FMNL2: variants seen among roughly 807,000 people sequenced by gnomAD.
The protein encoded by FMNL2 is formin-like protein 2.
FMNL2 carries 51 observed loss-of-function variants against 130.2 expected under a neutral mutation model. The ratio of observed to expected loss-of-function variants is 0.39; its 90% confidence interval spans 0.31 to 0.49. The LOEUF is 0.49. Among genes scored for constraint, FMNL2 ranks in the 20% least tolerant of loss-of-function variants. The pLI, the probability that FMNL2 is intolerant of heterozygous loss-of-function variation, is 0.85. For missense variants in FMNL2, 977 were observed against 1,316.2 expected (o/e 0.74, Z 3.99); for synonymous variants, 465 against 467.1 (o/e 1.00, Z 0.06).
At chr2:152,643,511 A>T in intron 25 of FMNL2, 1 of 1,536,094 alleles carries the variant, frequency 6.5e-7, no homozygotes. Context: ...CCATTACTAA[A>T]CTATTACTCT....
chr2:152,407,433 G>C (rs1330735486), intron 1 of FMNL2, among the ~76,000 whole-genome samples: 1 of 152,038 alleles, frequency 6.6e-6, no homozygotes, highest in Non-Finnish European at 1.5e-5. Context: ...ACTCCTGACA[G>C]CGCCTCCCTT....
At chr2:152,335,817 G>A in intron 1 of FMNL2, 97 bp downstream of exon 1, 1 of 850,908 alleles carries the variant, frequency 1.2e-6, no homozygotes, top group Non-Finnish European at 1.7e-6. Context: ...TGCCGGGAGC[G>A]AGCCTCCATT....
intron 21 of FMNL2, among the ~76,000 whole-genome samples, chr2:152,633,173 G>T (rs1682298392): frequency 6.6e-6 from 1 of 150,864 alleles, no homozygotes; most frequent in Non-Finnish European, 1.5e-5. Context: ...ACAGCTCACT[G>T]CAGTCCTGAC....
intron 1 of FMNL2, among the ~76,000 whole-genome samples, chr2:152,461,821 A>T (rs774688435): frequency 6.6e-6 from 1 of 152,050 alleles, no homozygotes; most frequent in East Asian, 1.9e-4. Context: ...GTCTAATAGA[A>T]CTTTCTGTGA....
intron 1 of FMNL2, among the ~76,000 whole-genome samples, chr2:152,375,877 C>CTCTCTCTATATATATATATATATA (rs796954245): frequency 4.3e-4 from 48 of 112,458 alleles, no homozygotes; most frequent in East Asian, 1.6e-3. Context: ...CTCTCTCTCT[C>CTCTCTCTATATATATATATATATA]TATATATATA....
chr2:152,513,945 A>G (rs996801704), intron 1 of FMNL2, among the ~76,000 whole-genome samples: 8 of 152,198 alleles, frequency 5.3e-5, no homozygotes, highest in African/African-American at 7.2e-5. Flanking sequence ...AATAGATTTT[A>G]GCAGCATCCT....
At chr2:152,391,293 A>G (rs1041500239) in intron 1 of FMNL2, among the ~76,000 whole-genome samples, 4 of 152,214 alleles carry the variant, frequency 2.6e-5, no homozygotes, top group Non-Finnish European at 5.9e-5. Context: ...GGCAACTGGT[A>G]ATGACCTTCT....
chr2:152,425,343 A>C (rs1038633385), intron 1 of FMNL2, among the ~76,000 whole-genome samples: 2 of 152,228 alleles, frequency 1.3e-5, no homozygotes, highest in Non-Finnish European at 2.9e-5. Context: ...AAGTGGTCTT[A>C]TAATTTCCCT....
chr2:152,390,385 A>G (rs763331630), intron 1 of FMNL2: 18 of 1,075,806 alleles, frequency 1.7e-5, no homozygotes, highest in Non-Finnish European at 2.3e-5. Context: ...GAGAAGATCA[A>G]TAAGATGGAG....
chr2:152,639,914 C>A, intron 23 of FMNL2, 44 bp from the exon 24 acceptor site: 1 of 1,503,076 alleles, frequency 6.7e-7, no homozygotes, highest in South Asian at 1.3e-5. Context: ...TGGCTGCTCT[C>A]ATTTCCATTA....
At position 152,625,422 on chromosome 2, in the gene FMNL2, T is replaced by C; in HGVS notation, c.1838-16T>C. The C allele has an allele frequency of 2.5e-6, 4 of 1,599,616 alleles. No homozygotes were observed. The highest frequency in any genetic ancestry group is 2.6e-6 in the Non-Finnish European group (3 of 1,168,188). ...TTTTGGTGGGATCTTAATTCCATTC[T>C]CTTTGATGTCTTTAGCTGTGAAAAT... On this transcript the variant is annotated splice_polypyrimidine_tract_variant and intron_variant, in intron 15 of 25. Transcript: ENST00000288670.
chr2:152,647,016 G>C (rs946458994), intron 25 of FMNL2, among the ~76,000 whole-genome samples: 3 of 152,138 alleles, frequency 2.0e-5, no homozygotes, highest in African/African-American at 7.2e-5. Context: ...CATTTAACAA[G>C]GATTTTCTTA....
intron 3 of FMNL2, among the ~76,000 whole-genome samples, chr2:152,547,204 A>T (rs1477308375): frequency 6.6e-6 from 1 of 152,080 alleles, no homozygotes; most frequent in Non-Finnish European, 1.5e-5. Flanking sequence ...TGGCCTCTCA[A>T]AGTGCTGGGA....
chr2:152,610,417 C>T (rs1300868844), intron 10 of FMNL2, among the ~76,000 whole-genome samples: 3 of 151,982 alleles, frequency 2.0e-5, no homozygotes, highest in Non-Finnish European at 4.4e-5. Flanking sequence ...ACAGCGTCAC[C>T]CCCCCAGAAA....
intron 1 of FMNL2, among the ~76,000 whole-genome samples, chr2:152,413,763 CCAATAAAGTGATT>C (rs1202946082): frequency 6.6e-6 from 1 of 152,154 alleles, no homozygotes; most frequent in African/African-American, 2.4e-5. Flanking sequence ...ATGGCCTTCT[CCAATAAAGTGATT>C]TGCTTTCCTA....
chr2:152,428,435 G>A (rs1202884934), intron 1 of FMNL2, among the ~76,000 whole-genome samples: 1 of 152,118 alleles, frequency 6.6e-6, no homozygotes, highest in African/African-American at 2.4e-5. Flanking sequence ...TAGAAATATG[G>A]GTTATTGCTC....
chr2:152,472,383 T>A (rs1170484917), intron 1 of FMNL2, among the ~76,000 whole-genome samples: 2 of 152,208 alleles, frequency 1.3e-5, no homozygotes, highest in Non-Finnish European at 2.9e-5. Flanking sequence ...TTAATATTTT[T>A]GATTGAAAAG....
At chr2:152,336,997 T>C (rs534857436) in intron 1 of FMNL2, among the ~76,000 whole-genome samples, 1 of 152,338 alleles carries the variant, frequency 6.6e-6, no homozygotes, top group East Asian at 1.9e-4. Flanking sequence ...ATTGCCTGCC[T>C]TCAGGCCTTG....
chr2:152,614,686 T>C (rs13023975), intron 11 of FMNL2, among the ~76,000 whole-genome samples, 165 bp from the exon 12 acceptor site: 28,434 of 152,198 alleles, frequency 0.19, 2,846 homozygotes, highest in Admixed American at 0.26. Flanking sequence ...AAGGTTGCAG[T>C]GAGCTGAAAT....
Sources: gnomAD v4.1 joint callset for allele counts (sites outside exome capture counted in the v4.1 genomes callset) on GRCh38, gnomAD v4.1.1 for gene constraint, MANE v1.5 for transcripts, NCBI Gene and HGNC (gene_info 2026-07-23, HGNC 2026-07-21) for gene names.